The following GRIN2B variants were observed in gnomAD, a reference collection of about 807,000 sequenced individuals.
GRIN2B encodes glutamate ionotropic receptor NMDA type subunit 2B, also known as glutamate receptor ionotropic, NMDA 2B.
Under a neutral mutation model 114.5 loss-of-function variants are expected in GRIN2B, and 5 were observed. The observed-to-expected ratio is 0.04, with a 90% CI of 0.02 to 0.09. The LOEUF (loss-of-function observed/expected upper bound fraction) is 0.09. Among genes scored for constraint, GRIN2B ranks in the 10% least tolerant of loss-of-function variants. GRIN2B has a pLI of 1.00. For synonymous variants in GRIN2B, 787 were observed against 745.1 expected (o/e 1.06, Z -0.92); for missense variants, 1,108 against 1,943.5 (o/e 0.57, Z 8.08).
At chr12:13,595,746 A>G (rs1404660404) in intron 10 of GRIN2B, among the ~76,000 whole-genome samples, 1 of 152,136 alleles carries the variant, frequency 6.6e-6, no homozygotes, top group Non-Finnish European at 1.5e-5. Context: ...TCAGCACTTG[A>G]ATACAATTTG....
chr12:13,944,300 A>T (rs566723265), intron 2 of GRIN2B, among the ~76,000 whole-genome samples: 77 of 152,290 alleles, frequency 5.1e-4, no homozygotes, highest in Non-Finnish European at 9.4e-4. Flanking sequence ...CAGTCATACA[A>T]CCCAACATTT....
intron 3 of GRIN2B, among the ~76,000 whole-genome samples, chr12:13,829,461 A>G (rs1053081984): frequency 2.6e-5 from 4 of 152,164 alleles, no homozygotes; most frequent in Non-Finnish European, 5.9e-5. Context: ...ATAAGAAAAG[A>G]TGGTGCGGGA....
At chr12:13,791,849 A>G (rs1350519987) in intron 3 of GRIN2B, among the ~76,000 whole-genome samples, 2 of 152,222 alleles carry the variant, frequency 1.3e-5, no homozygotes, top group Non-Finnish European at 2.9e-5. Flanking sequence ...GAAATCTGCA[A>G]ATGGTTAGTG....
At position 13,841,558 on chromosome 12, in the gene GRIN2B, C is replaced by T. The variant is rs1420923973; in HGVS notation, c.411+24240G>A. Among the ~76,000 whole-genome samples the T allele has an allele frequency of 5.9e-5, 9 of 152,222 alleles. No individual in the cohort carries two copies. The South Asian group carries it at 6.2e-4, about 11-fold the overall frequency. ...TAATTTCTGTCAGAGAAACAAGACA[C>T]GAGCAGAGCCCTTACCTGTCAGGCT... On this transcript the variant is annotated intron_variant, in intron 3 of 13. Coordinates refer to ENST00000609686, the MANE Select transcript of GRIN2B (RefSeq NM_000834.5).
At chr12:13,692,139 T>G (rs1030932547) in intron 4 of GRIN2B, among the ~76,000 whole-genome samples, 7 of 152,168 alleles carry the variant, frequency 4.6e-5, no homozygotes, top group Admixed American at 4.6e-4. Context: ...TTTCCCAAGT[T>G]TTTTCAGCAA....
chr12:13,834,197 A>ATTTTTTTT lies in GRIN2B; in HGVS notation c.411+31593_411+31600dup, dbSNP rs756189402. ...AGGTGCCCACCACCACGCCTGGCTAATTTTTTTTTTTTTTTTTTTTTAGTA... is the reference window on the plus strand; with the variant it reads ...AGGTGCCCACCACCACGCCTGGCTAATTTTTTTTTTTTTTTTTTTTTTTTTTTTTAGTA... On this transcript the variant is annotated intron_variant, in intron 3 of 13. Coordinates refer to ENST00000609686, the MANE Select transcript of GRIN2B (RefSeq NM_000834.5). Among the ~76,000 whole-genome samples the ATTTTTTTT allele has an allele frequency of 3.2e-3, 361 of 111,488 alleles. 2 individuals carry two copies. The highest frequency in any genetic ancestry group is 5.4e-3 in the Non-Finnish European group (297 of 55,044). 73.1% of individuals were successfully genotyped at this position (111,488 alleles called of 152,430 possible).
Position 13,753,653 on chromosome 12 carries a change from C to T in GRIN2B, c.674G>A (p.Ser225Asn), listed in dbSNP as rs1060503158. ...KIQNQLKKLQ[S>N]PIILLYCTKE... ...GGTACAGTAAAGAAGAATGATGGGG[C>T]TTTGAAGTTTCTTGAGCTGATTCTG... is the stretch of plus-strand genomic sequence containing the variant. The change falls in exon 4 of 14, where the codon AGC becomes AAC. Residue 225 changes from serine (S) to asparagine (N), a missense_variant. This residue lies in a region of GRIN2B where 199 missense variants were observed against 439.6 expected (regional missense o/e 0.45). Transcript: ENST00000609686. This position sits in a 1 kb window ranked among gnomAD's most constrained non-coding sequence, Gnocchi z 6.2. The T allele has an allele frequency of 1.2e-6, 2 of 1,614,138 alleles. No individual in the cohort carries two copies. Among genetic ancestry groups the T allele is most frequent in the Admixed American group, 1.7e-5 (1 of 59,998 alleles).
At chr12:13,786,351 T>C (rs1864220824) in intron 3 of GRIN2B, among the ~76,000 whole-genome samples, 1 of 152,224 alleles carries the variant, frequency 6.6e-6, no homozygotes, top group Non-Finnish European at 1.5e-5. Context: ...CTAAATGTCC[T>C]ATATACCCAA....
At position 13,753,007 on chromosome 12, in the gene GRIN2B, T is replaced by C. The variant is rs979481298; in HGVS notation, c.1010+310A>G. Among the ~76,000 whole-genome samples, 1 of 152,234 alleles carries C rather than the reference T, an allele frequency of 6.6e-6. No individual in the cohort carries two copies. Among genetic ancestry groups the C allele is most frequent in the Admixed American group, 6.5e-5 (1 of 15,284 alleles). On this transcript the variant is annotated intron_variant, in intron 4 of 13. Transcript: ENST00000609686. This position sits in a 1 kb window ranked among gnomAD's most constrained non-coding sequence, Gnocchi z 6.2. ...AATTTACACCTCCAAGCCTATTCTT[T>C]CGTATTGTAAAATAGAAACAATTGT...
chr12:13,602,270 A>C (rs547620533), intron 10 of GRIN2B, among the ~76,000 whole-genome samples: 2 of 152,346 alleles, frequency 1.3e-5, no homozygotes, highest in South Asian at 2.1e-4. Flanking sequence ...ACTCCCATGC[A>C]TGAATCATAC....
At chr12:13,878,510 T>A (rs1304505321) in intron 2 of GRIN2B, among the ~76,000 whole-genome samples, 1 of 152,200 alleles carries the variant, frequency 6.6e-6, no homozygotes, top group Non-Finnish European at 1.5e-5. Flanking sequence ...TTGACTGAAC[T>A]ATCTTCAAAT....
intron 2 of GRIN2B, among the ~76,000 whole-genome samples, chr12:13,964,090 G>A (rs1376382868): frequency 1.3e-5 from 2 of 152,194 alleles, no homozygotes; most frequent in Non-Finnish European, 2.9e-5. Context: ...AGGGTGGACT[G>A]GGAGGTGGCT....
rs1455110984 is a variant in GRIN2B, at chr12:13,552,557, G to C, written c.*10226C>G. 6.6e-6 allele frequency: 1 copy of C among 151,866 alleles called. No homozygotes were observed. The highest frequency in any genetic ancestry group is 1.5e-5 in the Non-Finnish European group (1 of 67,996). 9.4% of individuals were successfully genotyped at this position (151,866 alleles called of 1,614,324 possible). ...TCATGGCTAAAATGCCTAGAATTTT[G>C]GTCCATTTATTGGCCCAAATGAGAT... On this transcript the variant is annotated 3_prime_UTR_variant, in exon 14 of 14. Coordinates refer to ENST00000609686, the MANE Select transcript of GRIN2B (RefSeq NM_000834.5).
At chr12:13,830,126 G>T (rs1340288120) in intron 3 of GRIN2B, among the ~76,000 whole-genome samples, 5 of 152,192 alleles carry the variant, frequency 3.3e-5, no homozygotes, top group African/African-American at 1.2e-4. Context: ...TTTGACAAAA[G>T]CAGGGGACTT....
intron 2 of GRIN2B, among the ~76,000 whole-genome samples, chr12:13,974,209 A>G (rs1191697956): frequency 2.0e-5 from 3 of 152,196 alleles, no homozygotes; most frequent in African/African-American, 7.2e-5. Context: ...CCCTTTGGAC[A>G]CAAACCAACT....
chr12:13,727,310 C>A (rs1334365882), intron 4 of GRIN2B, among the ~76,000 whole-genome samples: 1 of 152,194 alleles, frequency 6.6e-6, no homozygotes. Flanking sequence ...AGCCTTGGTT[C>A]CAGACAACAG....
intron 3 of GRIN2B, among the ~76,000 whole-genome samples, chr12:13,836,490 G>C (rs1379716176): frequency 2.0e-5 from 3 of 152,212 alleles, no homozygotes; most frequent in African/African-American, 7.2e-5. Flanking sequence ...TCAGGGAAGA[G>C]TTTTCTGCGT....
In GRIN2B at chr12:13,952,596, G is replaced by A. The variant is rs186924881; in HGVS notation, c.-19+27332C>T. On this transcript the variant is annotated intron_variant, in intron 2 of 13. Coordinates refer to ENST00000609686, the MANE Select transcript of GRIN2B (RefSeq NM_000834.5). ...CTTCCCCTCTCTATCACTTGCCCCC[G>A]TCTTTCTTTTTCATAGATTGTTGAA... Among the ~76,000 whole-genome samples, 521 of 151,884 alleles carry A rather than the reference G, an allele frequency of 3.4e-3. 13 individuals are homozygous for A. The highest frequency in any genetic ancestry group is 0.03 in the Admixed American group (450 of 15,250).
intron 4 of GRIN2B, among the ~76,000 whole-genome samples, chr12:13,714,949 C>A (rs1191676934): frequency 1.3e-5 from 2 of 151,840 alleles, no homozygotes; most frequent in African/African-American, 4.8e-5. Context: ...ACTATCACTT[C>A]ATTATTCAGA....
Sources: gnomAD v4.1 joint callset for allele counts (sites outside exome capture counted in the v4.1 genomes callset) on GRCh38, gnomAD v4.1.1 for gene constraint, gnomAD v4.1.1 regional missense constraint, Gnocchi (gnomAD v3.1) non-coding constraint, MANE v1.5 for transcripts, NCBI Gene and HGNC (gene_info 2026-07-23, HGNC 2026-07-21) for gene names.